Variants in CERS4 observed in about 807,000 individuals in gnomAD.
CERS4 encodes the protein ceramide synthase 4.
A neutral mutation model predicts 51.8 loss-of-function variants in CERS4; 65 were observed. That is an observed-to-expected ratio of 1.26 (90% CI 1.03 to 1.54). CERS4 has a LOEUF of 1.54. Ranked by LOEUF, CERS4 falls within the 40% of genes most tolerant of loss-of-function variation. The pLI, the probability that CERS4 is intolerant of heterozygous loss-of-function variation, is 0.00. For synonymous variants in CERS4, 228 were observed against 208.4 expected (o/e 1.09, Z -0.81); for missense variants, 563 against 500.4 (o/e 1.13, Z -1.19).
chr19:8,243,194 TAAAAAA>T (rs56754017), intron 2 of CERS4, among the ~76,000 whole-genome samples: 5 of 59,864 alleles, frequency 8.4e-5, no homozygotes, highest in Non-Finnish European at 1.2e-4. Flanking sequence ...ACCCTGTCTC[TAAAAAA>T]AAAAAAAAAA....
rs1221190249 is a variant in CERS4 at position 8,261,914 on chromosome 19, T to C, written c.1006-16T>C. On this transcript the variant is annotated splice_polypyrimidine_tract_variant and intron_variant, in intron 11 of 11. Transcript: ENST00000251363. ...TCCTCCCTGCTCTGAGCTCCATCCC[T>C]CTCTCTGTTCCCCAGATGGAGAAGG... The C allele has an allele frequency of 1.2e-6, 2 of 1,608,868 alleles. No individual in the cohort carries two copies. The highest frequency in any genetic ancestry group is 2.7e-5 in the African/African-American group (2 of 74,328).
rs1292582256 is a variant in CERS4, at chr19:8,262,214, GC to G, written c.*109del. Reference sequence around the variant, plus strand: ...GGCCACCTTTCTGGAGACAGGGAGGGCCCCACCCGGGGTGGGTGGGAAGGCT... The same window carrying G: ...GGCCACCTTTCTGGAGACAGGGAGGGCCCACCCGGGGTGGGTGGGAAGGCT... On this transcript the variant is annotated 3_prime_UTR_variant, in exon 12 of 12. Transcript: ENST00000251363. The G allele has an allele frequency of 5.5e-6, 7 of 1,265,386 alleles. No individual in the cohort carries two copies. The highest frequency in any genetic ancestry group is 5.1e-6 in the Non-Finnish European group (5 of 973,878). The allele number at this position is 1,265,386 out of a possible 1,614,324, so 78.4% of individuals were successfully genotyped here.
intron 2 of CERS4, among the ~76,000 whole-genome samples, chr19:8,226,155 C>T (rs570755095): frequency 7.9e-4 from 120 of 152,018 alleles, no homozygotes; most frequent in Admixed American, 1.2e-3. Context: ...CGAAGTCACA[C>T]CACTGCACTC....
intron 2 of CERS4, among the ~76,000 whole-genome samples, chr19:8,212,533 G>A (rs1453141115): frequency 1.3e-5 from 2 of 152,124 alleles, no homozygotes; most frequent in East Asian, 1.9e-4. Flanking sequence ...CCAGGAGTGG[G>A]TGGCAAGCTG....
intron 2 of CERS4, among the ~76,000 whole-genome samples, chr19:8,246,096 C>A (rs77903728): frequency 6.9e-4 from 95 of 137,300 alleles, no homozygotes; most frequent in East Asian, 2.4e-3. Flanking sequence ...ACAACAACAA[C>A]AACAAAAAAA....
intron 2 of CERS4, among the ~76,000 whole-genome samples, chr19:8,225,390 G>A (rs564108103): frequency 6.6e-6 from 1 of 151,586 alleles, no homozygotes; most frequent in Non-Finnish European, 1.5e-5. Flanking sequence ...ATAGAAGCAG[G>A]AAGGCAAGTC....
intron 2 of CERS4, among the ~76,000 whole-genome samples, chr19:8,215,392 T>C (rs537535495): frequency 9.9e-5 from 15 of 151,798 alleles, no homozygotes; most frequent in African/African-American, 3.1e-4. Context: ...GGCAGGAGAA[T>C]TGCTTGAACC....
At chr19:8,249,214 ATGGATGATGGGTGGG>A (rs1276675509) in intron 2 of CERS4, among the ~76,000 whole-genome samples, 1 of 149,074 alleles carries the variant, frequency 6.7e-6, no homozygotes, top group Non-Finnish European at 1.5e-5. Flanking sequence ...CGATGGGTGG[ATGGATGATGGGTGGG>A]TGGACAGATG....
At chr19:8,239,730 C>T (rs1968443812) in intron 2 of CERS4, 1 of 142,690 alleles carries the variant, frequency 7.0e-6, no homozygotes, top group Admixed American at 7.0e-5. Flanking sequence ...GAGATCAAGC[C>T]AACCATGCCT....
intron 2 of CERS4, among the ~76,000 whole-genome samples, chr19:8,243,327 C>T (rs35484831): frequency 0.044 from 6,647 of 152,034 alleles, 224 homozygotes; most frequent in Admixed American, 0.066. Flanking sequence ...TGAGCCCCCA[C>T]GGGCACACGG....
chr19:8,255,931 T>G, intron 6 of CERS4, 52 bp downstream of exon 6: 1 of 1,587,012 alleles, frequency 6.3e-7, no homozygotes, highest in East Asian at 2.2e-5. Flanking sequence ...CCACCTGGCC[T>G]AGATCTGGCA....
intron 2 of CERS4, among the ~76,000 whole-genome samples, chr19:8,218,320 C>T (rs1369173617): frequency 6.6e-6 from 1 of 152,206 alleles, no homozygotes; most frequent in Admixed American, 6.6e-5. Flanking sequence ...GAGGCAGCCA[C>T]AGGCAAGCTG....
intron 2 of CERS4, chr19:8,250,400 A>G (rs1969016096): frequency 6.6e-6 from 1 of 152,262 alleles, no homozygotes; most frequent in African/African-American, 2.4e-5. Flanking sequence ...TTAAAGATCA[A>G]TCGGCCAAGC....
chr19:8,260,391 G>C (rs1195803212), intron 10 of CERS4, among the ~76,000 whole-genome samples: 1 of 142,976 alleles, frequency 7.0e-6, no homozygotes, highest in Non-Finnish European at 1.5e-5. Flanking sequence ...TTTTTTAGTA[G>C]AGATGGGGGT....
chr19:8,214,248 CCTGT>C (rs953395363), intron 2 of CERS4: 7 of 152,528 alleles, frequency 4.6e-5, no homozygotes, highest in Non-Finnish European at 7.3e-5. Flanking sequence ...TCCTCCCACC[CCTGT>C]CTGTCTGTCT....
At chr19:8,216,002 C>G (rs994423558) in intron 2 of CERS4, among the ~76,000 whole-genome samples, 1 of 152,126 alleles carries the variant, frequency 6.6e-6, no homozygotes, top group Non-Finnish European at 1.5e-5. Context: ...TGGCTCTTCC[C>G]CCTTTCTAGA....
intron 2 of CERS4, among the ~76,000 whole-genome samples, chr19:8,246,955 C>T (rs973705073): frequency 1.3e-5 from 2 of 152,098 alleles, no homozygotes; most frequent in Non-Finnish European, 2.9e-5. Context: ...CACTTGAGGT[C>T]AGGAGTTTGA....
chr19:8,249,756 A>C (rs556901881), intron 2 of CERS4, among the ~76,000 whole-genome samples: 1 of 150,246 alleles, frequency 6.7e-6, no homozygotes, highest in Non-Finnish European at 1.5e-5. Flanking sequence ...ATGCCTGGCT[A>C]ATTTTTGTAT....
chr19:8,222,492 TTTTA>T (rs1437334188), intron 2 of CERS4, among the ~76,000 whole-genome samples: 1 of 150,988 alleles, frequency 6.6e-6, no homozygotes, highest in Admixed American at 6.6e-5. Context: ...CATGAGCCTT[TTTTA>T]TTTATTTATT....
Sources: gnomAD v4.1 joint callset for allele counts (sites outside exome capture counted in the v4.1 genomes callset) on GRCh38, gnomAD v4.1.1 for gene constraint, MANE v1.5 for transcripts, NCBI Gene and HGNC (gene_info 2026-07-23, HGNC 2026-07-21) for gene names.